The following GRAMD1B variants were observed in gnomAD, a reference collection of about 807,000 sequenced individuals.
GRAMD1B encodes GRAM domain containing 1B.
In GRAMD1B, 37 loss-of-function variants were observed where a neutral mutation model predicts 99.7. That is an observed-to-expected ratio of 0.37 (90% CI 0.29 to 0.49). The LOEUF is 0.49. Ranked by LOEUF, GRAMD1B falls within the 20% of genes least tolerant of loss-of-function variation. The pLI is 0.98. For missense variants in GRAMD1B, 888 were observed against 1,009.2 expected, an observed-to-expected ratio of 0.88 and a Z score of 1.63; for synonymous variants, 427 against 387.6, an observed-to-expected ratio of 1.10 and a Z score of -1.19.
At chr11:123,529,378 C>A (rs1014856255) in intron 2 of GRAMD1B, among the ~76,000 whole-genome samples, 3 of 152,200 alleles carry the variant, frequency 2.0e-5, no homozygotes, top group African/African-American at 7.2e-5. Context: ...GAGAGTATCA[C>A]TGAGGATGCT....
intron 1 of GRAMD1B, among the ~76,000 whole-genome samples, chr11:123,449,616 C>T (rs373358708): frequency 9.9e-5 from 15 of 151,848 alleles, no homozygotes; most frequent in African/African-American, 3.6e-4. Flanking sequence ...CATATATCAC[C>T]CAGGGTGGAG....
intron 17 of GRAMD1B, among the ~76,000 whole-genome samples, chr11:123,617,169 CT>C (rs34788392): frequency 0.02 from 2,646 of 133,630 alleles, 61 homozygotes; most frequent in African/African-American, 0.063. Context: ...TCTTTCTTTC[CT>C]TTTTTTTTTT....
intron 14 of GRAMD1B, among the ~76,000 whole-genome samples, chr11:123,611,358 C>T (rs1368366805): frequency 1.3e-5 from 2 of 152,044 alleles, no homozygotes; most frequent in African/African-American, 4.8e-5. Flanking sequence ...TGCTTAAGCC[C>T]AGGAGTTCAA....
chr11:123,433,310 G>A (rs559153958), intron 1 of GRAMD1B, among the ~76,000 whole-genome samples: 55 of 152,212 alleles, frequency 3.6e-4, no homozygotes, highest in East Asian at 3.5e-3. Flanking sequence ...CCCGGGAGGT[G>A]GAGGTTGCAG....
intron 1 of GRAMD1B, among the ~76,000 whole-genome samples, chr11:123,433,985 T>C (rs893353170): frequency 5.3e-5 from 8 of 151,850 alleles, no homozygotes; most frequent in Admixed American, 5.2e-4. Flanking sequence ...ATCCTAGCAC[T>C]TTGGGAGGAT....
In GRAMD1B at chr11:123,624,349, A is replaced by C. The variant is rs1955378160; in HGVS notation, c.*1754A>C. ...GGCAATTACAGTTTTTGACTTTTCCATGTGAGAATAAGGCCTTGGTATTTC... is the reference window on the plus strand; with the variant it reads ...GGCAATTACAGTTTTTGACTTTTCCCTGTGAGAATAAGGCCTTGGTATTTC... On this transcript the variant is annotated 3_prime_UTR_variant, in exon 20 of 20. Coordinates refer to ENST00000635736, the MANE Select transcript of GRAMD1B (RefSeq NM_001387025.1). 1 of 152,196 alleles carries C rather than the reference A, an allele frequency of 6.6e-6. No homozygotes were observed. The highest frequency in any genetic ancestry group is 2.4e-5 in the African/African-American group (1 of 41,444). 9.4% of individuals were successfully genotyped at this position (152,196 alleles called of 1,614,324 possible).
chr11:123,532,863 C>A (rs980805435), intron 2 of GRAMD1B, among the ~76,000 whole-genome samples: 2 of 152,186 alleles, frequency 1.3e-5, no homozygotes, highest in South Asian at 4.1e-4. Context: ...TGAGTAGTTG[C>A]AACAGGTCTA....
At chr11:123,520,190 C>A (rs1309681126) in intron 2 of GRAMD1B, among the ~76,000 whole-genome samples, 1 of 152,182 alleles carries the variant, frequency 6.6e-6, no homozygotes. Flanking sequence ...TTTCCGGCCT[C>A]CATTCTAAAC....
intron 2 of GRAMD1B, among the ~76,000 whole-genome samples, chr11:123,519,298 C>T (rs778766552): frequency 2.0e-5 from 3 of 152,156 alleles, no homozygotes; most frequent in Non-Finnish European, 2.9e-5. Flanking sequence ...AGGAGAGTGC[C>T]AAGGGAGGGA....
intron 2 of GRAMD1B, among the ~76,000 whole-genome samples, chr11:123,558,261 G>A (rs1784358): frequency 0.089 from 13,520 of 152,078 alleles, 706 homozygotes; most frequent in Middle Eastern, 0.13. Context: ...TGAGATTACA[G>A]GCATGAGCCA....
At chr11:123,574,651 G>A (rs914652893) in intron 2 of GRAMD1B, among the ~76,000 whole-genome samples, 29 of 152,190 alleles carry the variant, frequency 1.9e-4, no homozygotes, top group African/African-American at 5.8e-4. Flanking sequence ...ATGGGCAGTC[G>A]TGGGAGGAGG....
intron 2 of GRAMD1B, among the ~76,000 whole-genome samples, chr11:123,537,564 C>T (rs1591876505): frequency 2.0e-5 from 3 of 152,262 alleles, no homozygotes; most frequent in Admixed American, 2.0e-4. Context: ...TGAAATGTAC[C>T]TTTTTATGCG....
intron 1 of GRAMD1B, among the ~76,000 whole-genome samples, chr11:123,452,412 G>A (rs755493138): frequency 1.2e-4 from 19 of 152,292 alleles, no homozygotes; most frequent in East Asian, 3.9e-4. Context: ...TTGGGAGGCC[G>A]AGGCAGGTGG....
At chr11:123,406,311 T>C (rs570515777) in intron 1 of GRAMD1B, among the ~76,000 whole-genome samples, 1 of 151,822 alleles carries the variant, frequency 6.6e-6, no homozygotes, top group South Asian at 2.1e-4. Flanking sequence ...TGGAGTGCAG[T>C]GGCACGATCT....
intron 1 of GRAMD1B, among the ~76,000 whole-genome samples, chr11:123,453,894 G>A (rs1949998522): frequency 6.6e-6 from 1 of 152,182 alleles, no homozygotes; most frequent in Non-Finnish European, 1.5e-5. Context: ...GAATTCGAGG[G>A]TGATCAGGGA....
intron 1 of GRAMD1B, among the ~76,000 whole-genome samples, chr11:123,410,483 C>T (rs1249107895): frequency 6.6e-6 from 1 of 152,130 alleles, no homozygotes; most frequent in East Asian, 1.9e-4. Context: ...TCCTTAGATG[C>T]TCCATCGGTG....
At chr11:123,387,742 A>G (rs1163314055) in intron 1 of GRAMD1B, among the ~76,000 whole-genome samples, 1 of 111,978 alleles carries the variant, frequency 8.9e-6, no homozygotes, top group Non-Finnish European at 1.8e-5. Context: ...CCGCCCCACA[A>G]GTAGCCTGTT....
chr11:123,396,839 C>T (rs1651957591), intron 1 of GRAMD1B, among the ~76,000 whole-genome samples: 1 of 152,184 alleles, frequency 6.6e-6, no homozygotes, highest in Admixed American at 6.5e-5. Flanking sequence ...TGCTAATTAT[C>T]TGTCATTATG....
chr11:123,615,158 C>G (rs1014063132), intron 17 of GRAMD1B, among the ~76,000 whole-genome samples: 1 of 152,188 alleles, frequency 6.6e-6, no homozygotes, highest in African/African-American at 2.4e-5. Flanking sequence ...TGGTTAAATG[C>G]TAACAGAGAA....
Sources: allele counts gnomAD v4.1 joint callset (sites outside exome capture counted in the v4.1 genomes callset), GRCh38; gene constraint gnomAD v4.1.1; transcripts MANE v1.5; gene names NCBI Gene and HGNC (gene_info 2026-07-23, HGNC 2026-07-21).